Variants in MAGI2 observed in about 807,000 individuals in gnomAD.
The protein encoded by MAGI2 is membrane-associated guanylate kinase, WW and PDZ domain-containing protein 2.
In MAGI2, 35 loss-of-function variants were observed where a neutral mutation model predicts 133.3. The observed-to-expected ratio is 0.26, with a 90% confidence interval of 0.20 to 0.35. MAGI2 has a LOEUF of 0.35. Among genes scored for constraint, MAGI2 ranks in the 10% least tolerant of loss-of-function variants. MAGI2 has a pLI of 1.00. For missense variants in MAGI2, 1,636 were observed against 1,863.4 expected (o/e 0.88, Z 2.25); for synonymous variants, 729 against 710.6 (o/e 1.03, Z -0.41).
chr7:79,307,091 A>G (rs1720863582), intron 1 of MAGI2, among the ~76,000 whole-genome samples: 1 of 152,046 alleles, frequency 6.6e-6, no homozygotes, highest in Admixed American at 6.6e-5. Context: ...ACAAAAATAT[A>G]ATGACTTACA....
chr7:79,089,126 T>A (rs960271599), intron 1 of MAGI2, among the ~76,000 whole-genome samples: 5 of 151,412 alleles, frequency 3.3e-5, no homozygotes, highest in African/African-American at 1.2e-4. Context: ...AACAACCCCA[T>A]CAAAAAAATG....
intron 6 of MAGI2, among the ~76,000 whole-genome samples, chr7:78,446,991 T>C (rs1008291465): frequency 1.8e-4 from 27 of 152,068 alleles, no homozygotes; most frequent in African/African-American, 6.5e-4. Context: ...ATTTTGATTA[T>C]CCTATTCAAA....
chr7:78,679,177 T>C (rs1007857096), intron 2 of MAGI2, among the ~76,000 whole-genome samples: 3 of 152,146 alleles, frequency 2.0e-5, no homozygotes, highest in African/African-American at 4.8e-5. Context: ...GTGCACCCTT[T>C]CCTTTCACTC....
intron 2 of MAGI2, among the ~76,000 whole-genome samples, chr7:78,738,213 C>T (rs189203396): frequency 6.6e-6 from 1 of 152,134 alleles, no homozygotes; most frequent in African/African-American, 2.4e-5. Context: ...CTCCATGTAC[C>T]TGCAAGTTTT....
intron 2 of MAGI2, among the ~76,000 whole-genome samples, chr7:78,712,605 A>G (rs1480864078): frequency 6.6e-6 from 1 of 152,206 alleles, no homozygotes; most frequent in Non-Finnish European, 1.5e-5. Flanking sequence ...AAAGAAGTAG[A>G]GTTTCATCAA....
At chr7:79,212,690 C>T (rs1406025183) in intron 1 of MAGI2, among the ~76,000 whole-genome samples, 5 of 152,032 alleles carry the variant, frequency 3.3e-5, no homozygotes, top group Admixed American at 2.0e-4. Context: ...TTTCTGCTTT[C>T]TCTTTTATTC....
At chr7:79,327,936 T>G (rs1585588023) in intron 1 of MAGI2, among the ~76,000 whole-genome samples, 2 of 152,188 alleles carry the variant, frequency 1.3e-5, no homozygotes, top group East Asian at 3.8e-4. Context: ...ACTTATATCT[T>G]TAAGTTACCT....
At chr7:79,427,692 C>A (rs1021350688) in intron 1 of MAGI2, among the ~76,000 whole-genome samples, 2 of 152,032 alleles carry the variant, frequency 1.3e-5, no homozygotes, top group Non-Finnish European at 2.9e-5. Flanking sequence ...AGTTGTGCTG[C>A]GGTTTTATTA....
At chr7:79,391,488 C>CATATATATATATATAGACATATATAT in intron 1 of MAGI2, among the ~76,000 whole-genome samples, 1 of 119,336 alleles carries the variant, frequency 8.4e-6, no homozygotes, top group Admixed American at 9.2e-5. Context: ...TTACCTTTAA[C>CATATATATATATATAGACATATATAT]ATATATATAT....
chr7:78,093,136 CAAAAAA>C (rs1157039018), intron 20 of MAGI2, among the ~76,000 whole-genome samples: 1 of 32,322 alleles, frequency 3.1e-5, no homozygotes, highest in Non-Finnish European at 5.0e-5. Flanking sequence ...ACTCCTTCTC[CAAAAAA>C]AAAAAAAAAA....
intron 1 of MAGI2, among the ~76,000 whole-genome samples, chr7:79,053,194 C>T (rs772814619): frequency 2.0e-5 from 3 of 152,000 alleles, no homozygotes; most frequent in Non-Finnish European, 2.9e-5. Context: ...AGGATGGTCT[C>T]GATCTCCTGA....
At chr7:78,792,176 T>A (rs893726854) in intron 2 of MAGI2, among the ~76,000 whole-genome samples, 10 of 152,148 alleles carry the variant, frequency 6.6e-5, no homozygotes, top group African/African-American at 2.2e-4. Flanking sequence ...GCAGACTTTA[T>A]CCCTGCTGGC....
intron 2 of MAGI2, among the ~76,000 whole-genome samples, chr7:78,849,044 C>T (rs550720211): frequency 6.6e-6 from 1 of 152,000 alleles, no homozygotes; most frequent in African/African-American, 2.4e-5. Flanking sequence ...TAAAACATTG[C>T]TTTTTATGCA....
chr7:78,724,294 T>C (rs1001084058), intron 2 of MAGI2, among the ~76,000 whole-genome samples: 1 of 152,140 alleles, frequency 6.6e-6, no homozygotes, highest in Non-Finnish European at 1.5e-5. Context: ...TAAATTGCAA[T>C]GCTTATATTC....
intron 6 of MAGI2, among the ~76,000 whole-genome samples, chr7:78,393,605 C>T (rs1796091740): frequency 6.6e-6 from 1 of 152,142 alleles, no homozygotes; most frequent in African/African-American, 2.4e-5. Context: ...GTTGTTTGCA[C>T]TCAAGAACTC....
intron 1 of MAGI2, among the ~76,000 whole-genome samples, chr7:79,322,384 G>A (rs1839252329): frequency 6.6e-6 from 1 of 152,138 alleles, no homozygotes; most frequent in African/African-American, 2.4e-5. Context: ...AGCCAGTGTA[G>A]CAGAAGTTAG....
At chr7:78,726,882 A>G (rs1021403023) in intron 2 of MAGI2, among the ~76,000 whole-genome samples, 3 of 149,726 alleles carry the variant, frequency 2.0e-5, no homozygotes, top group Non-Finnish European at 3.0e-5. Context: ...TTCATTTTCT[A>G]TTTTCTTAGA....
At chr7:78,052,505 G>T (rs933285800) in intron 21 of MAGI2, among the ~76,000 whole-genome samples, 19 of 152,194 alleles carry the variant, frequency 1.2e-4, no homozygotes, top group Admixed American at 1.0e-3. Context: ...AAATCCCTCT[G>T]CTTTATAAAT....
At chr7:78,543,150 G>A (rs1320761500) in intron 3 of MAGI2, among the ~76,000 whole-genome samples, 1 of 152,104 alleles carries the variant, frequency 6.6e-6, no homozygotes, top group African/African-American at 2.4e-5. Context: ...AAATCTTCAA[G>A]GAAAAGGACA....
Sources: allele counts gnomAD v4.1 joint callset (sites outside exome capture counted in the v4.1 genomes callset), GRCh38; gene constraint gnomAD v4.1.1; transcripts MANE v1.5; gene names NCBI Gene and HGNC (gene_info 2026-07-23, HGNC 2026-07-21).